The following SPTB variants were observed in gnomAD, a reference collection of about 807,000 sequenced individuals.
SPTB encodes spectrin beta chain, erythrocytic.
SPTB carries 45 observed loss-of-function variants against 256.2 expected under a neutral mutation model. The observed-to-expected ratio is 0.18, with a 90% confidence interval of 0.14 to 0.23. The LOEUF is 0.23. Among genes scored for constraint, SPTB ranks in the 10% least tolerant of loss-of-function variants. SPTB has a pLI of 1.00. For missense variants in SPTB, 2,715 were observed against 3,040.4 expected (o/e 0.89, Z 2.52); for synonymous variants, 1,231 against 1,243.1 (o/e 0.99, Z 0.21).
At chr14:64,757,574 G>A (rs1046031529) in intron 32 of SPTB, 3 of 152,282 alleles carry the variant, frequency 2.0e-5, no homozygotes, top group African/African-American at 7.2e-5. Flanking sequence ...TCTCCACCCT[G>A]AAGGCCAAGG....
In SPTB at chr14:64,786,741, G is replaced by A; in HGVS notation, c.3224C>T (p.Ala1075Val). The change falls in exon 16 of 36, where the codon GCC becomes GTC. Residue 1075 changes from alanine to valine, a missense_variant. By Grantham distance (64) the Ala-to-Val change is moderately conservative (BLOSUM62 0). Transcript: ENST00000644917. This position sits in a 1 kb window ranked among gnomAD's most constrained non-coding sequence, Gnocchi z 5.6. ...AFLQDLDDFQ[A>V]WLSITQKAVA... The stretch of plus-strand genomic sequence containing the variant: ...AGCCTTCTGGGTGATGGAGAGCCAG[G>A]CCTGGAAGTCATCCAGATCCTGCAG... The A allele has an allele frequency of 1.9e-5, 30 of 1,614,102 alleles. No homozygotes were observed. Among genetic ancestry groups the A allele is most frequent in the Non-Finnish European group, 2.5e-5 (30 of 1,180,018 alleles).
chr14:64,785,393 C>T lies in SPTB; in HGVS notation c.3855+144G>A, dbSNP rs533760051. On this transcript the variant is annotated intron_variant, in intron 18 of 35. Transcript: ENST00000644917. The surrounding 1 kb of genome is among the most constrained non-coding windows in gnomAD (Gnocchi z 4.4). ...GCAACTGAAGATTCCAGAGAATGAC[C>T]CAATTAAGTACCCAGAGGTCCCCGC... is the stretch of plus-strand genomic sequence containing the variant. 38 of 716,794 alleles carry T rather than the reference C, an allele frequency of 5.3e-5. No homozygotes were observed. The African/African-American group carries it at 6.3e-4, about 12-fold the overall frequency. The allele number at this position is 716,794 out of a possible 1,614,324, so 44.4% of individuals were successfully genotyped here.
rs370403376 is a variant in SPTB, at chr14:64,796,605, G to A, written c.1293C>T (p.Ala431=). 1.5e-5 allele frequency: 24 copies of A among 1,614,192 alleles called. No homozygotes were observed. Among genetic ancestry groups the A allele is most frequent in the East Asian group, 6.7e-5 (3 of 44,874 alleles). Residue 431 remains alanine (A), a synonymous_variant, in exon 11 of 36, where the codon GCC becomes GCT. Coordinates refer to ENST00000644917, the MANE Select transcript of SPTB (RefSeq NM_001355436.2). This position sits in a 1 kb window ranked among gnomAD's most constrained non-coding sequence, Gnocchi z 4.1. ...EQLARRFDRK[A]AMRETWLSEN... is the part of the protein sequence containing the mutation. ...CACTGAGCCAGGTCTCTCTCATTGC[G>A]GCCTTCCGGTCAAAGCGCCGGGCCA...
chr14:64,782,585 T>C, intron 19 of SPTB, 32 bp from the exon 20 acceptor site: 1 of 1,611,556 alleles, frequency 6.2e-7, no homozygotes, highest in Non-Finnish European at 8.5e-7. Context: ...GCTCACATTC[T>C]GGGCTGACTG....
In SPTB at chr14:64,775,429, G is replaced by A; in HGVS notation, c.4564-26C>T. On this transcript the variant is annotated intron_variant, in intron 22 of 35. Coordinates refer to ENST00000644917, the MANE Select transcript of SPTB (RefSeq NM_001355436.2). The surrounding 1 kb of genome is among the most constrained non-coding windows in gnomAD (Gnocchi z 5.0). ...CTGCGGCCAGAAGGAAGGGCTCGGGGCAGGGCCTTCCCACCATGCGGGGGA... is the reference window on the plus strand; with the variant it reads ...CTGCGGCCAGAAGGAAGGGCTCGGGACAGGGCCTTCCCACCATGCGGGGGA... The A allele has an allele frequency of 1.2e-6, 2 of 1,606,264 alleles. No individual in the cohort carries two copies. Among genetic ancestry groups the A allele is most frequent in the Non-Finnish European group, 1.7e-6 (2 of 1,175,036 alleles).
In SPTB at chr14:64,825,356, C is replaced by T. The variant is rs2083361669; in HGVS notation, c.-51-2211G>A. ...CCAAGACCACCCTTGTGCCTTTGAA[C>T]AGCCTGTCCTCTTCTGCAGATGGAC... On this transcript the variant is annotated intron_variant, in intron 1 of 35. Transcript: ENST00000644917. This position sits in a 1 kb window ranked among gnomAD's most constrained non-coding sequence, Gnocchi z 4.8. Among the ~76,000 whole-genome samples the T allele has an allele frequency of 6.6e-6, 1 of 152,222 alleles. No individual in the cohort carries two copies. The highest frequency in any genetic ancestry group is 2.4e-5 in the African/African-American group (1 of 41,454).
intron 2 of SPTB, among the ~76,000 whole-genome samples, chr14:64,809,075 AC>A (rs1227674121): frequency 3.3e-5 from 5 of 151,974 alleles, no homozygotes; most frequent in Non-Finnish European, 7.4e-5. Flanking sequence ...AGCTTGGCCA[AC>A]ATGGTGAAAC....
intron 3 of SPTB, 141 bp from the exon 4 acceptor site, chr14:64,803,921 A>T (rs574068611): frequency 9.3e-6 from 8 of 861,120 alleles, no homozygotes; most frequent in South Asian, 8.7e-5. Context: ...ATTCATTGAC[A>T]CTATTCAATG....
chr14:64,749,276 C>G lies in SPTB; in HGVS notation c.*30G>C. 3 of 1,551,352 alleles carry G rather than the reference C, an allele frequency of 1.9e-6. No homozygotes were observed. Among genetic ancestry groups the G allele is most frequent in the Non-Finnish European group, 2.6e-6 (3 of 1,153,474 alleles). On this transcript the variant is annotated 3_prime_UTR_variant, in exon 36 of 36. Transcript: ENST00000644917. The surrounding 1 kb of genome is among the most constrained non-coding windows in gnomAD (Gnocchi z 4.7). ...TGGGCTGCCCGGTCTCTGCGCGTCC[C>G]GACTCCGCCGCGCCCGCCAGCCCCA...
intron 1 of SPTB, among the ~76,000 whole-genome samples, chr14:64,859,669 A>G (rs1205998488): frequency 6.7e-6 from 1 of 149,866 alleles, no homozygotes; most frequent in Non-Finnish European, 1.5e-5. Context: ...ACTTGAGCCC[A>G]GGGAGACTCT....
chr14:64,788,300 C>T (rs1875053), intron 15 of SPTB, among the ~76,000 whole-genome samples: 31,469 of 152,114 alleles, frequency 0.21, 3,737 homozygotes, highest in African/African-American at 0.32. Flanking sequence ...TGTACCCTGC[C>T]TCAGGGGATG....
At chr14:64,842,287 C>G (rs1594834314) in intron 1 of SPTB, among the ~76,000 whole-genome samples, 2 of 152,016 alleles carry the variant, frequency 1.3e-5, no homozygotes, top group Admixed American at 1.3e-4. Context: ...GGTAGCAGTA[C>G]TCCTTCGTTC....
At chr14:64,766,031 ATGTGGGTG>A (rs2082172499) in intron 32 of SPTB, among the ~76,000 whole-genome samples, 2 of 131,296 alleles carry the variant, frequency 1.5e-5, no homozygotes, top group African/African-American at 6.2e-5. Flanking sequence ...ATATGTGTGT[ATGTGGGTG>A]TGTGGGTGTG....
chr14:64,838,505 G>C (rs141581089), intron 1 of SPTB, among the ~76,000 whole-genome samples: 400 of 152,234 alleles, frequency 2.6e-3, no homozygotes, highest in Non-Finnish European at 4.6e-3. Context: ...TGATAAAGTA[G>C]TTGTATTCAG....
chr14:64,750,291 C>A (rs916635868), intron 33 of SPTB, 137 bp from the exon 34 acceptor site: 9 of 869,374 alleles, frequency 1.0e-5, no homozygotes, highest in South Asian at 2.3e-5. Context: ...GTTAAAAAAT[C>A]ATCTGCATGT....
intron 1 of SPTB, among the ~76,000 whole-genome samples, chr14:64,850,219 C>G (rs895669337): frequency 8.5e-5 from 13 of 152,140 alleles, no homozygotes; most frequent in African/African-American, 2.9e-4. Context: ...CATCGGATGC[C>G]TTACTCAGTG....
chr14:64,842,017 G>A (rs1292315741), intron 1 of SPTB, among the ~76,000 whole-genome samples: 1 of 152,194 alleles, frequency 6.6e-6, no homozygotes, highest in Non-Finnish European at 1.5e-5. Context: ...CTTACCAATA[G>A]TCACACTGAG....
At position 64,749,565 on chromosome 14, in the gene SPTB, C is replaced by T. The variant is rs781166998; in HGVS notation, c.6819+89G>A. The T allele has an allele frequency of 4.4e-6, 7 of 1,605,368 alleles. No homozygotes were observed. Among genetic ancestry groups the T allele is most frequent in the Non-Finnish European group, 5.1e-6 (6 of 1,179,010 alleles). ...AATGGTGGGGGCTCTTGGGACTGCCCCTTCTGAGGGGGCCTCCAGGGCAAG... is the reference window on the plus strand; with the variant it reads ...AATGGTGGGGGCTCTTGGGACTGCCTCTTCTGAGGGGGCCTCCAGGGCAAG... On this transcript the variant is annotated intron_variant, in intron 35 of 35. Transcript: ENST00000644917. The surrounding 1 kb of genome is among the most constrained non-coding windows in gnomAD (Gnocchi z 4.7).
Position 64,793,918 on chromosome 14 carries a change from TG to T in SPTB, c.1796-52del. ...CAAAGTGGGGGATGGGCTTCATTTATGGGCACGCTTCAGATAAGCTGCTAGG... is the reference window on the plus strand; with the variant it reads ...CAAAGTGGGGGATGGGCTTCATTTATGGCACGCTTCAGATAAGCTGCTAGG... On this transcript the variant is annotated intron_variant, in intron 13 of 35. Coordinates refer to ENST00000644917, the MANE Select transcript of SPTB (RefSeq NM_001355436.2). The surrounding 1 kb of genome is among the most constrained non-coding windows in gnomAD (Gnocchi z 7.0). 1 of 1,556,764 alleles carries T rather than the reference TG, an allele frequency of 6.4e-7. No individual in the cohort carries two copies. Among genetic ancestry groups the T allele is most frequent in the Non-Finnish European group, 8.6e-7 (1 of 1,156,798 alleles).
Sources: gnomAD v4.1 joint callset for allele counts (sites outside exome capture counted in the v4.1 genomes callset) on GRCh38, gnomAD v4.1.1 for gene constraint, Gnocchi (gnomAD v3.1) non-coding constraint, MANE v1.5 for transcripts, NCBI Gene and HGNC (gene_info 2026-07-23, HGNC 2026-07-21) for gene names.